ERCC6L2: variants seen among roughly 807,000 people sequenced by gnomAD.
ERCC6L2 encodes the protein ERCC excision repair 6 like 2.
Under a neutral mutation model 132.0 loss-of-function variants are expected in ERCC6L2, and 77 were observed. The observed-to-expected ratio is 0.58, with a 90% CI of 0.49 to 0.71. The LOEUF is 0.71. Among genes scored for constraint, ERCC6L2 ranks in the 30% least tolerant of loss-of-function variants. The probability of loss-of-function intolerance (pLI) is 0.00; values close to 1 mark genes in which losing one functional copy is unlikely to be tolerated. For synonymous variants in ERCC6L2, 583 were observed against 632.4 expected, an observed-to-expected ratio of 0.92 and a Z score of 1.17; for missense variants, 1,542 against 1,837.6, an observed-to-expected ratio of 0.84 and a Z score of 2.94.
chr9:96,004,628 C>A lies in ERCC6L2; in HGVS notation c.3601C>A (p.Gln1201Lys). 1 of 1,327,120 alleles carries A rather than the reference C, an allele frequency of 7.5e-7. No homozygotes were observed. The allele number at this position is 1,327,120 out of a possible 1,614,324, so 82.2% of individuals were successfully genotyped here. ...TCTTTACATTTCAAATCCTGTAAAC[C>A]AGAAGAAGAAAAAAGTCTACCATAC... is the stretch of plus-strand genomic sequence containing the variant. Reference protein sequence around the residue: ...LPLYISNPVNQKKKKVYHTNQ... With the variant: ...LPLYISNPVNKKKKKVYHTNQ... The change falls in exon 18 of 19, where the codon CAG becomes AAG. Residue 1201 changes from glutamine (Q) to lysine (K), a missense_variant. Physicochemically the swap from Gln to Lys is moderately conservative, Grantham distance 53. This residue lies in a region of ERCC6L2 where 442 missense variants were observed against 583.4 expected (regional missense o/e 0.76). Coordinates refer to ENST00000653738, the MANE Select transcript of ERCC6L2 (RefSeq NM_020207.7).
At chr9:95,967,243 T>TA (rs998191516) in intron 14 of ERCC6L2, 6 of 152,214 alleles carry the variant, frequency 3.9e-5, no homozygotes, top group South Asian at 2.1e-4. Flanking sequence ...TATCCTTTTT[T>TA]AAAAAAATCT....
intron 13 of ERCC6L2, among the ~76,000 whole-genome samples, chr9:95,964,956 G>A (rs1012375150): frequency 3.9e-5 from 6 of 152,164 alleles, no homozygotes; most frequent in African/African-American, 1.4e-4. Context: ...TATAGTTACA[G>A]GTCCTGCAGT....
intron 17 of ERCC6L2, among the ~76,000 whole-genome samples, chr9:96,002,423 C>CT (rs11398688): frequency 0.62 from 88,994 of 144,008 alleles, 27,622 homozygotes; most frequent in East Asian, 0.7. Context: ...GTTAGTTTGG[C>CT]TTTTTTTTTT....
rs1266216960 is a variant in ERCC6L2 at position 96,006,813 on chromosome 9, A to G, written c.3674+2112A>G. Among the ~76,000 whole-genome samples the G allele has an allele frequency of 2.6e-5, 4 of 152,290 alleles. No individual in the cohort carries two copies. In the South Asian group the frequency reaches 6.2e-4, roughly 24 times the overall value. On this transcript the variant is annotated intron_variant, in intron 18 of 18. Transcript: ENST00000653738. ...CTGAAGCCATAAGTTCAGAGGGAGA[A>G]AGATTTAGGGAGAGAGAAGTTAGGA...
chr9:96,030,209 G>A (rs1239326618), intron 19 of ERCC6L2, among the ~76,000 whole-genome samples: 1 of 152,166 alleles, frequency 6.6e-6, no homozygotes, highest in East Asian at 1.9e-4. Flanking sequence ...TCAGCACCCT[G>A]TAAAATGGGC....
chr9:95,907,857 C>CACACACACAAACACACA, intron 4 of ERCC6L2, among the ~76,000 whole-genome samples: 1 of 133,740 alleles, frequency 7.5e-6, no homozygotes, highest in Admixed American at 7.7e-5. Flanking sequence ...ACACACACAC[C>CACACACACAAACACACA]CCCACACCCA....
At chr9:95,948,781 C>G (rs1246310263) in intron 12 of ERCC6L2, among the ~76,000 whole-genome samples, 1 of 86,010 alleles carries the variant, frequency 1.2e-5, no homozygotes, top group Non-Finnish European at 2.3e-5. Flanking sequence ...GAAAAGACCA[C>G]AAGACATTAG....
At chr9:96,027,914 C>T (rs1834404022) in intron 19 of ERCC6L2, 1 of 152,250 alleles carries the variant, frequency 6.6e-6, no homozygotes. Context: ...CGCACCGAGG[C>T]AGCAGAGCTG....
intron 17 of ERCC6L2, among the ~76,000 whole-genome samples, chr9:95,983,395 C>T (rs1832966113): frequency 6.6e-6 from 1 of 152,178 alleles, no homozygotes; most frequent in Admixed American, 6.5e-5. Context: ...TAGAAAATAG[C>T]TATAAGTCTT....
intron 2 of ERCC6L2, among the ~76,000 whole-genome samples, chr9:95,895,888 G>A (rs11787559): frequency 0.15 from 22,489 of 151,904 alleles, 1,766 homozygotes; most frequent in South Asian, 0.23. Flanking sequence ...CACCGGGCCC[G>A]GCTAATTTTT....
chr9:95,970,771 C>T, intron 15 of ERCC6L2, 115 bp downstream of exon 15: 3 of 600,744 alleles, frequency 5.0e-6, no homozygotes, highest in Non-Finnish European at 7.3e-6. Context: ...AATTAAGAGT[C>T]AAGGACACAA....
intron 2 of ERCC6L2, among the ~76,000 whole-genome samples, chr9:95,881,914 T>C (rs1827618409): frequency 6.6e-6 from 1 of 152,226 alleles, no homozygotes; most frequent in Non-Finnish European, 1.5e-5. Context: ...TCTCACAGTT[T>C]CTGTGGGTTG....
chr9:96,027,213 A>C (rs903543156), intron 19 of ERCC6L2, among the ~76,000 whole-genome samples: 1 of 149,572 alleles, frequency 6.7e-6, no homozygotes, highest in Admixed American at 6.6e-5. Context: ...GCCACACCAC[A>C]CCCCCGCCTC....
intron 12 of ERCC6L2, among the ~76,000 whole-genome samples, chr9:95,947,734 C>T (rs1336157024): frequency 1.3e-5 from 2 of 152,122 alleles, no homozygotes. Flanking sequence ...TTTACCATTC[C>T]GAAAATCTTA....
intron 16 of ERCC6L2, among the ~76,000 whole-genome samples, chr9:95,973,642 T>G (rs773504492): frequency 6.6e-6 from 1 of 151,994 alleles, no homozygotes; most frequent in Non-Finnish European, 1.5e-5. Flanking sequence ...TTCGCTATCA[T>G]GAGAACAGCA....
intron 11 of ERCC6L2, among the ~76,000 whole-genome samples, chr9:95,935,331 T>C (rs758640598): frequency 1.2e-4 from 19 of 152,128 alleles, no homozygotes; most frequent in Non-Finnish European, 2.4e-4. Context: ...AGAGAACTTA[T>C]GTGTTTAGTG....
At chr9:95,930,396 A>G (rs1352455755) in intron 11 of ERCC6L2, among the ~76,000 whole-genome samples, 4 of 152,158 alleles carry the variant, frequency 2.6e-5, no homozygotes, top group African/African-American at 7.2e-5. Context: ...GTGTTTTGCA[A>G]AAGACACATA....
In ERCC6L2 at chr9:96,013,096, G is replaced by A. The variant is rs1283982036; in HGVS notation, c.4546G>A (p.Glu1516Lys). The A allele has an allele frequency of 2.9e-6, 4 of 1,367,524 alleles. No individual in the cohort carries two copies. The highest frequency in any genetic ancestry group is 1.5e-5 in the African/African-American group (1 of 67,738). The allele number at this position is 1,367,524 out of a possible 1,614,324, so 84.7% of individuals were successfully genotyped here. A position where few individuals can be genotyped will look rare whatever the true frequency, so the allele number is the denominator to read the frequency against. The change falls in exon 19 of 19, where the codon GAA becomes AAA. Residue 1516 changes from glutamate (E) to lysine (K), a missense_variant. By Grantham distance (56) the Glu-to-Lys change is moderately conservative. Around this residue, in one of 4 missense-constraint regions of ERCC6L2, gnomAD observed 442 missense variants for 583.4 expected, o/e 0.76. Transcript: ENST00000653738. ...APLAAPFKRR[E>K]EPATSLWKSN... is the part of the protein sequence containing the mutation. ...TCTAGCAGCACCCTTTAAAAGGAGA[G>A]AAGAGCCAGCAACTTCTCTTTGGAA...
At chr9:95,881,563 C>T (rs185885862) in intron 2 of ERCC6L2, among the ~76,000 whole-genome samples, 1 of 152,244 alleles carries the variant, frequency 6.6e-6, no homozygotes, top group African/African-American at 2.4e-5. Context: ...AATACTGGTA[C>T]TAAGATATCA....
Sources: gnomAD v4.1 joint callset for allele counts (sites outside exome capture counted in the v4.1 genomes callset) on GRCh38, gnomAD v4.1.1 for gene constraint, gnomAD v4.1.1 regional missense constraint, MANE v1.5 for transcripts, NCBI Gene and HGNC (gene_info 2026-07-23, HGNC 2026-07-21) for gene names.